The following TRIM22 variants were observed in gnomAD, a reference collection of about 807,000 sequenced individuals.
The protein encoded by TRIM22 is tripartite motif containing 22, also known as E3 ubiquitin-protein ligase TRIM22.
Under a neutral mutation model 53.6 loss-of-function variants are expected in TRIM22, and 45 were observed. That is an observed-to-expected ratio of 0.84 (90% CI 0.66 to 1.08). TRIM22 has a LOEUF of 1.08. TRIM22 is among the 50% of genes least tolerant of loss of function. The probability of loss-of-function intolerance (pLI) is 0.00; values close to 1 mark genes in which losing one functional copy is unlikely to be tolerated. For missense variants in TRIM22, 616 were observed against 590.9 expected (o/e 1.04, Z -0.44); for synonymous variants, 225 against 216.6 (o/e 1.04, Z -0.34).
At position 5,698,650 on chromosome 11, in the gene TRIM22, G is replaced by T. The variant is rs371140340; in HGVS notation, c.750+105G>T. 5.7e-5 allele frequency: 55 copies of T among 963,042 alleles called. 1 individual carries two copies. Among genetic ancestry groups the T allele is most frequent in the African/African-American group, 5.1e-4 (31 of 60,852 alleles). The allele number at this position is 963,042 out of a possible 1,614,324, so 59.7% of individuals were successfully genotyped here. Reference sequence around the variant, plus strand: ...TAGGCTTTCTTCTGTGTGGTGACATGAAATGGTTCCTTTGGCCCGGCATGC... The same window carrying T: ...TAGGCTTTCTTCTGTGTGGTGACATTAAATGGTTCCTTTGGCCCGGCATGC... On this transcript the variant is annotated intron_variant, in intron 4 of 7. Coordinates refer to ENST00000379965, the MANE Select transcript of TRIM22 (RefSeq NM_006074.5).
At position 5,698,395 on chromosome 11, in the gene TRIM22, A is replaced by G. The variant is rs1266716762; in HGVS notation, c.600A>G (p.Arg200=). 2 of 1,614,218 alleles carry G rather than the reference A, an allele frequency of 1.2e-6. No homozygotes were observed. The highest frequency in any genetic ancestry group is 1.7e-6 in the Non-Finnish European group (2 of 1,180,028). The change falls in exon 4 of 8, where the codon AGA becomes AGG. Residue 200 remains arginine (R), a synonymous_variant. Coordinates refer to ENST00000379965, the MANE Select transcript of TRIM22 (RefSeq NM_006074.5). ...TCATCTTGGACAATGAGGAGCAGAG[A>G]GAGCTGCAAAAGCTGGAGGAAGGTG... The part of the protein sequence containing the change: ...MRVILDNEEQ[R]ELQKLEEGEV...
chr11:5,700,924 G>A (rs930751396), intron 4 of TRIM22, among the ~76,000 whole-genome samples: 7 of 147,090 alleles, frequency 4.8e-5, no homozygotes, highest in African/African-American at 1.8e-4. Flanking sequence ...CATGAATGGT[G>A]TGAATTTTGT....
rs1187731455 is a variant in TRIM22 at position 5,697,346 on chromosome 11, A to G, written c.519+3A>G. 4.3e-6 allele frequency: 7 copies of G among 1,610,186 alleles called. No individual in the cohort carries two copies. Among genetic ancestry groups the G allele is most frequent in the Admixed American group, 1.7e-5 (1 of 59,676 alleles). Reference sequence around the variant, plus strand: ...GACAAGAGAGAACCGCCTGGAAGGCAGGAGGAGACACCTCCTAAGGGATAA... The same window carrying G: ...GACAAGAGAGAACCGCCTGGAAGGCGGGAGGAGACACCTCCTAAGGGATAA... On this transcript the variant is annotated splice_donor_region_variant and intron_variant, in intron 3 of 7. Transcript: ENST00000379965.
chr11:5,699,642 TGA>T (rs1446677405), intron 4 of TRIM22, among the ~76,000 whole-genome samples: 1 of 148,874 alleles, frequency 6.7e-6, no homozygotes, highest in Non-Finnish European at 1.5e-5. Context: ...TCACTTTATA[TGA>T]GTAACAATAC....
At position 5,709,622 on chromosome 11, in the gene TRIM22, A is replaced by G; in HGVS notation, c.1471A>G (p.Met491Val). Reference protein sequence around the residue: ...YFNPWNCLVPMTVCPPSS With the variant: ...YFNPWNCLVPVTVCPPSS ...CAATCCTTGGAACTGCCTAGTCCCC[A>G]TGACTGTGTGCCCACCGAGCTCCTG... The change falls in exon 8 of 8, where the codon ATG becomes GTG. Residue 491 changes from methionine to valine, a missense_variant. By Grantham distance (21) the Met-to-Val change is conservative. Coordinates refer to ENST00000379965, the MANE Select transcript of TRIM22 (RefSeq NM_006074.5). 2 of 1,607,288 alleles carry G rather than the reference A, an allele frequency of 1.2e-6. No individual in the cohort carries two copies. Among genetic ancestry groups the G allele is most frequent in the Non-Finnish European group, 8.5e-7 (1 of 1,179,288 alleles).
At chr11:5,708,719 T>C in intron 7 of TRIM22, 116 bp downstream of exon 7, 1 of 712,310 alleles carries the variant, frequency 1.4e-6, no homozygotes, top group Non-Finnish European at 2.0e-6. Flanking sequence ...TGTAGTTCTT[T>C]TTTTTTTTTT....
At chr11:5,699,341 G>A (rs1853324761) in intron 4 of TRIM22, among the ~76,000 whole-genome samples, 1 of 132,586 alleles carries the variant, frequency 7.5e-6, no homozygotes, top group Non-Finnish European at 1.6e-5. Flanking sequence ...TGGCTAACAA[G>A]GTGAAACCCC....
intron 4 of TRIM22, among the ~76,000 whole-genome samples, chr11:5,700,185 C>T (rs538537228): frequency 7.9e-5 from 12 of 151,688 alleles, no homozygotes; most frequent in Admixed American, 6.6e-4. Context: ...TGTGGTGGCA[C>T]AATCTCACCT....
chr11:5,701,108 G>C (rs1372918470), intron 4 of TRIM22, among the ~76,000 whole-genome samples: 2 of 152,034 alleles, frequency 1.3e-5, no homozygotes, highest in Admixed American at 1.3e-4. Context: ...TTTTACTAAC[G>C]TACTGTTGAG....
Position 5,696,438 on chromosome 11 carries a change from G to A in TRIM22, c.206G>A (p.Arg69Gln), listed in dbSNP as rs182619286. Residue 69 changes from arginine (R) to glutamine (Q), a missense_variant, in exon 2 of 8, where the codon CGA (arginine) becomes CAA (glutamine). By Grantham distance (43) the Arg-to-Gln change is conservative. Coordinates refer to ENST00000379965, the MANE Select transcript of TRIM22 (RefSeq NM_006074.5). ...CQTRFQPGNL[R>Q]PNRHLANIVE... ...ACCAGATTCCAGCCTGGGAACCTCCGACCTAATCGGCATCTGGCCAACATA... is the reference window on the plus strand; with the variant it reads ...ACCAGATTCCAGCCTGGGAACCTCCAACCTAATCGGCATCTGGCCAACATA... 2.2e-5 allele frequency: 35 copies of A among 1,614,212 alleles called. No individual in the cohort carries two copies. The highest frequency in any genetic ancestry group is 4.5e-5 in the East Asian group (2 of 44,886).
In TRIM22 at chr11:5,708,571, T is replaced by C; in HGVS notation, c.875-6T>C. ...AACAACATCACTGAAACTTTTGTCGTTTCAGAGCTGACAGATGTCCAGTAC... is the reference window on the plus strand; with the variant it reads ...AACAACATCACTGAAACTTTTGTCGCTTCAGAGCTGACAGATGTCCAGTAC... On this transcript the variant is annotated splice_region_variant and splice_polypyrimidine_tract_variant and intron_variant, in intron 6 of 7. Transcript: ENST00000379965. 6.2e-7 allele frequency: 1 copy of C among 1,603,364 alleles called. No homozygotes were observed. Among genetic ancestry groups the C allele is most frequent in the East Asian group, 2.2e-5 (1 of 44,836 alleles).
chr11:5,708,715 T>C, intron 7 of TRIM22, 112 bp downstream of exon 7: 1 of 855,724 alleles, frequency 1.2e-6, no homozygotes, highest in Non-Finnish European at 1.6e-6. Context: ...ACCATGTAGT[T>C]CTTTTTTTTT....
rs71053298 is a variant in TRIM22 at position 5,699,530 on chromosome 11, C to CAAAAAAA, written c.750+1018_750+1024dup. On this transcript the variant is annotated intron_variant, in intron 4 of 7. Transcript: ENST00000379965. ...TGGGCGACAGAGCGAGACTCCGTCT[C>CAAAAAAA]AAAAAAAAAAAAAAAAAAAAAAAAA... is the stretch of plus-strand genomic sequence containing the variant. 7.0e-4 allele frequency among the ~76,000 whole-genome samples: 20 copies of CAAAAAAA among 28,544 alleles called. 3 individuals are homozygous for CAAAAAAA. The highest frequency in any genetic ancestry group is 2.4e-3 in the South Asian group (1 of 422). The allele number at this position is 28,544 out of a possible 152,430, so 18.7% of individuals were successfully genotyped here.
rs1853513376 is a variant in TRIM22, at chr11:5,709,078, T to C, written c.927T>C (p.Ser309=). ...YWVDVMLNPG[S]ATSNVAISVD... Reference sequence around the variant, plus strand: ...TGGACGTGATGCTGAATCCAGGCAGTGCCACTTCGAATGTTGCTATTTCTG... The same window carrying C: ...TGGACGTGATGCTGAATCCAGGCAGCGCCACTTCGAATGTTGCTATTTCTG... Residue 309 remains serine, a synonymous_variant, in exon 8 of 8, where the codon AGT becomes AGC. Transcript: ENST00000379965. 1 of 1,613,458 alleles carries C rather than the reference T, an allele frequency of 6.2e-7. No individual in the cohort carries two copies. The highest frequency in any genetic ancestry group is 8.5e-7 in the Non-Finnish European group (1 of 1,179,426).
At position 5,709,314 on chromosome 11, in the gene TRIM22, T is replaced by G. The variant is rs1277750034; in HGVS notation, c.1163T>G (p.Phe388Cys). The G allele has an allele frequency of 3.1e-6, 5 of 1,613,932 alleles. No individual in the cohort carries two copies. Among genetic ancestry groups the G allele is most frequent in the Non-Finnish European group, 4.2e-6 (5 of 1,180,012 alleles). ...LNKRKSSGFA[F>C]DPSVNYSKVY... ...AAAAGGAAGAGCTCTGGGTTTGCTT[T>G]TGATCCAAGTGTAAATTATTCAAAA... The change falls in exon 8 of 8, where the codon TTT becomes TGT. Residue 388 changes from phenylalanine (F) to cysteine (C), a missense_variant. Phe to Cys is a radical substitution (Grantham distance 205). Coordinates refer to ENST00000379965, the MANE Select transcript of TRIM22 (RefSeq NM_006074.5).
intron 3 of TRIM22, 144 bp downstream of exon 3, chr11:5,697,487 TC>T: frequency 1.8e-6 from 1 of 560,314 alleles, no homozygotes; most frequent in East Asian, 2.9e-5. Flanking sequence ...TTTAACTCCT[TC>T]CCTGTTGGAG....
At chr11:5,705,348 GTCAATATAATA>G (rs936408409) in intron 4 of TRIM22, among the ~76,000 whole-genome samples, 1 of 152,124 alleles carries the variant, frequency 6.6e-6, no homozygotes, top group African/African-American at 2.4e-5. Flanking sequence ...CTGAAAATAA[GTCAATATAATA>G]GGTATGAAAT....
At chr11:5,693,496 A>G (rs544294391) in intron 1 of TRIM22, among the ~76,000 whole-genome samples, 23 of 151,962 alleles carry the variant, frequency 1.5e-4, no homozygotes, top group Non-Finnish European at 2.6e-4. Context: ...CGAGGCGGGC[A>G]GATCATGAGG....
At chr11:5,703,156 G>A (rs1853399397) in intron 4 of TRIM22, among the ~76,000 whole-genome samples, 1 of 152,142 alleles carries the variant, frequency 6.6e-6, no homozygotes, top group Admixed American at 6.5e-5. Flanking sequence ...CCCAGGTAAT[G>A]AGCATATTAC....
Sources: gnomAD v4.1 joint callset for allele counts (sites outside exome capture counted in the v4.1 genomes callset) on GRCh38, gnomAD v4.1.1 for gene constraint, MANE v1.5 for transcripts, NCBI Gene and HGNC (gene_info 2026-07-23, HGNC 2026-07-21) for gene names.